CACNA1S: variants seen among roughly 807,000 people sequenced by gnomAD.
CACNA1S encodes voltage-dependent L-type calcium channel subunit alpha-1S.
In CACNA1S, 126 loss-of-function variants were observed where a neutral mutation model predicts 207.4. The ratio of observed to expected loss-of-function variants is 0.61; its 90% CI spans 0.53 to 0.70. The LOEUF (loss-of-function observed/expected upper bound fraction) is 0.70. Among genes scored for constraint, CACNA1S ranks in the 30% least tolerant of loss-of-function variants. The pLI, the probability that CACNA1S is intolerant of heterozygous loss-of-function variation, is 0.00. For missense variants in CACNA1S, 2,349 were observed against 2,422.8 expected (o/e 0.97, Z 0.64); for synonymous variants, 960 against 932.7 (o/e 1.03, Z -0.53).
intron 2 of CACNA1S, among the ~76,000 whole-genome samples, chr1:201,102,381 A>C (rs1662707537): frequency 6.6e-6 from 1 of 152,172 alleles, no homozygotes; most frequent in Non-Finnish European, 1.5e-5. Flanking sequence ...GCCGGAAACA[A>C]CGAGGTGCCC....
At chr1:201,093,761 A>C in intron 3 of CACNA1S, 121 bp downstream of exon 3, 2 of 1,247,660 alleles carry the variant, frequency 1.6e-6, no homozygotes, top group Non-Finnish European at 2.3e-6. Flanking sequence ...AGGCTGCTCC[A>C]TGCAGTGGTT....
intron 14 of CACNA1S, 86 bp downstream of exon 14, chr1:201,074,420 G>T: frequency 2.5e-6 from 2 of 809,740 alleles, no homozygotes; most frequent in East Asian, 2.6e-5. Flanking sequence ...CCTGATCATT[G>T]GGTTACAGGG....
At chr1:201,073,690 G>A in intron 14 of CACNA1S, 48 bp from the exon 15 acceptor site, 1 of 1,442,494 alleles carries the variant, frequency 6.9e-7, no homozygotes, top group Non-Finnish European at 9.8e-7. Flanking sequence ...AGTTCTCAGG[G>A]ATCTGCTGAA....
rs996079936 is a variant in CACNA1S, at chr1:201,070,352, G to A, written c.2280C>T (p.Pro760=). The A allele has an allele frequency of 1.4e-5, 22 of 1,613,992 alleles. No homozygotes were observed. The highest frequency in any genetic ancestry group is 1.8e-5 in the Non-Finnish European group (21 of 1,180,030). The change falls in exon 17 of 44, where the codon CCC becomes CCT. Residue 760 remains proline, a synonymous_variant. Transcript: ENST00000362061. ...PEIPLSPRPR[P]LAELQLKEKA... ...TCTCTTTCAGCTGCAGCTCAGCCAGGGGACGTGGTCGGGGGCTCAGCGGGA... is the reference window on the plus strand; with the variant it reads ...TCTCTTTCAGCTGCAGCTCAGCCAGAGGACGTGGTCGGGGGCTCAGCGGGA...
rs116379218 is a variant in CACNA1S at position 201,077,446 on chromosome 1, A to G, written c.1620-319T>C. Among the ~76,000 whole-genome samples the G allele has an allele frequency of 6.8e-3, 1,030 of 152,312 alleles. 9 individuals carry two copies. Among genetic ancestry groups the G allele is most frequent in the African/African-American group, 0.023 (968 of 41,554 alleles). ...ATGCCCTGTGCTTAGCACAGTACCC[A>G]GCTCATGCAAGTGACGGATAAATAG... On this transcript the variant is annotated intron_variant, in intron 11 of 43. Coordinates refer to ENST00000362061, the MANE Select transcript of CACNA1S (RefSeq NM_000069.3).
chr1:201,058,596 G>T (rs1660931928), intron 27 of CACNA1S, 105 bp from the exon 28 acceptor site: 6 of 906,520 alleles, frequency 6.6e-6, no homozygotes, highest in Non-Finnish European at 9.0e-6. Context: ...CGGAGCTGCG[G>T]GTTAGGCCAA....
At chr1:201,058,205 A>AT (rs1660915900) in intron 28 of CACNA1S, among the ~76,000 whole-genome samples, 1 of 152,136 alleles carries the variant, frequency 6.6e-6, no homozygotes, top group Non-Finnish European at 1.5e-5. Context: ...AGGTACACCC[A>AT]TTGTGTCCCC....
intron 15 of CACNA1S, 107 bp downstream of exon 15, chr1:201,073,442 C>G: frequency 1.1e-6 from 1 of 922,522 alleles, no homozygotes; most frequent in Non-Finnish European, 1.8e-6. Context: ...TGGCTGATAA[C>G]TCTCCTACCT....
chr1:201,089,155 CA>C (rs1662133657), intron 6 of CACNA1S, 102 bp downstream of exon 6: 1 of 1,079,038 alleles, frequency 9.3e-7, no homozygotes, highest in African/African-American at 1.6e-5. Flanking sequence ...TCACGCAAGT[CA>C]GAGACTGGCC....
In CACNA1S at chr1:201,110,618, A is replaced by G. The variant is rs144528856; in HGVS notation, c.153-349T>C. On this transcript the variant is annotated intron_variant, in intron 1 of 43. Transcript: ENST00000362061. ...CTGTCCATGCCCTTGCCTGCTCCCA[A>G]GGAGCCATGACTTTGGCAGATTCTG... Among the ~76,000 whole-genome samples the G allele has an allele frequency of 3.7e-3, 560 of 152,334 alleles. 2 individuals are homozygous for G. Among genetic ancestry groups the G allele is most frequent in the African/African-American group, 0.013 (539 of 41,570 alleles).
At chr1:201,068,172 T>C (rs1661314337) in intron 19 of CACNA1S, among the ~76,000 whole-genome samples, 1 of 151,190 alleles carries the variant, frequency 6.6e-6, no homozygotes, top group South Asian at 2.1e-4. Context: ...AAAAGGCCTT[T>C]CCAGTCACTG....
intron 2 of CACNA1S, among the ~76,000 whole-genome samples, chr1:201,098,441 A>G (rs1481602745): frequency 1.3e-5 from 2 of 152,244 alleles, no homozygotes; most frequent in Non-Finnish European, 2.9e-5. Context: ...ACACACGAAG[A>G]GAACAGTGTC....
intron 13 of CACNA1S, among the ~76,000 whole-genome samples, chr1:201,075,258 T>C (rs1442363739): frequency 6.6e-6 from 1 of 152,232 alleles, no homozygotes; most frequent in Non-Finnish European, 1.5e-5. Flanking sequence ...GGGCTTTTAA[T>C]TCCTCCCAGC....
At chr1:201,068,976 C>T (rs1314295316) in intron 19 of CACNA1S, among the ~76,000 whole-genome samples, 161 bp downstream of exon 19, 1 of 152,218 alleles carries the variant, frequency 6.6e-6, no homozygotes, top group African/African-American at 2.4e-5. Context: ...AGCCCTCCAT[C>T]CAGATACTTG....
intron 42 of CACNA1S, 26 bp from the exon 43 acceptor site, chr1:201,040,400 A>T (rs750099623): frequency 8.7e-6 from 14 of 1,610,630 alleles, no homozygotes; most frequent in Non-Finnish European, 1.1e-5. Flanking sequence ...AAAAGCAAAG[A>T]CCCCGACAGG....
chr1:201,062,328 C>A, intron 23 of CACNA1S, 134 bp downstream of exon 23: 2 of 1,018,248 alleles, frequency 2.0e-6, no homozygotes, highest in Non-Finnish European at 3.1e-6. Flanking sequence ...AACACACAGT[C>A]CCCTGCCCTG....
intron 12 of CACNA1S, among the ~76,000 whole-genome samples, chr1:201,075,893 C>A (rs1342807540): frequency 1.3e-5 from 2 of 152,144 alleles, no homozygotes; most frequent in African/African-American, 4.8e-5. Context: ...CATGGTGAGA[C>A]CCCATCACTA....
At chr1:201,065,696 A>G (rs1252157348) in intron 22 of CACNA1S, 142 bp downstream of exon 22, 1 of 692,572 alleles carries the variant, frequency 1.4e-6, no homozygotes. Flanking sequence ...GTGAAGACCT[A>G]TTTTTCAAAA....
chr1:201,110,130 C>T, intron 2 of CACNA1S, 34 bp downstream of exon 2: 2 of 1,590,888 alleles, frequency 1.3e-6, no homozygotes, highest in Non-Finnish European at 1.7e-6. Context: ...GGGCTGCAGG[C>T]TCGCAGGAAG....
Sources: gnomAD v4.1 joint callset for allele counts (sites outside exome capture counted in the v4.1 genomes callset) on GRCh38, gnomAD v4.1.1 for gene constraint, MANE v1.5 for transcripts, NCBI Gene and HGNC (gene_info 2026-07-23, HGNC 2026-07-21) for gene names.